The following DTHD1 variants were observed in gnomAD, a reference collection of about 807,000 sequenced individuals.
DTHD1 encodes death domain containing 1.
A neutral mutation model predicts 74.8 loss-of-function variants in DTHD1; 59 were observed. The ratio of observed to expected loss-of-function variants is 0.79; its 90% CI spans 0.64 to 0.98. DTHD1 has a LOEUF of 0.98. Among genes scored for constraint, DTHD1 ranks in the 50% least tolerant of loss-of-function variants. The pLI is 0.00. For missense variants in DTHD1, 1,051 were observed against 1,065.4 expected (o/e 0.99, Z 0.19); for synonymous variants, 365 against 371.1 (o/e 0.98, Z 0.19).
At chr4:36,305,449 T>C (rs1045426669) in intron 5 of DTHD1, among the ~76,000 whole-genome samples, 3 of 152,166 alleles carry the variant, frequency 2.0e-5, no homozygotes, top group African/African-American at 7.2e-5. Flanking sequence ...ATGAGACTTA[T>C]TCACTACCAT....
chr4:36,296,032 A>C (rs565959785), intron 5 of DTHD1, among the ~76,000 whole-genome samples: 4 of 152,306 alleles, frequency 2.6e-5, no homozygotes, highest in African/African-American at 9.6e-5. Context: ...ACTTAGACAT[A>C]ACATGGCAAA....
chr4:36,289,366 T>A (rs1386340178), intron 2 of DTHD1, among the ~76,000 whole-genome samples: 1 of 152,188 alleles, frequency 6.6e-6, no homozygotes, highest in Non-Finnish European at 1.5e-5. Context: ...AGATATTAGT[T>A]TCAATTTGTA....
rs1215344868 is a variant in DTHD1 at position 36,308,222 on chromosome 4, C to G, written c.1824C>G (p.Leu608=). The G allele has an allele frequency of 1.0e-5, 16 of 1,552,192 alleles. No individual in the cohort carries two copies. Among genetic ancestry groups the G allele is most frequent in the Non-Finnish European group, 1.4e-5 (16 of 1,147,106 alleles). ...CATGCAGGTTTATTGTACTTCACCT[C>G]TCTTCCACCATGGACAATAGTCATT... is the stretch of plus-strand genomic sequence containing the variant. ...EHLERFIVLH[L]SSTMDNSHLV... Residue 608 remains leucine, a synonymous_variant, in exon 7 of 10, where the codon CTC becomes CTG. Transcript: ENST00000639862.
At chr4:36,302,487 G>A (rs542766328) in intron 5 of DTHD1, among the ~76,000 whole-genome samples, 59 of 152,208 alleles carry the variant, frequency 3.9e-4, no homozygotes, top group African/African-American at 1.2e-3. Flanking sequence ...TGATTACACC[G>A]ATTACAAATG....
chr4:36,320,305 G>C (rs964995099), intron 8 of DTHD1, among the ~76,000 whole-genome samples: 4 of 152,136 alleles, frequency 2.6e-5, no homozygotes, highest in African/African-American at 9.7e-5. Context: ...GCAACGAACT[G>C]CGCAGGCACA....
chr4:36,298,483 G>A (rs546155954), intron 5 of DTHD1, among the ~76,000 whole-genome samples: 1 of 152,146 alleles, frequency 6.6e-6, no homozygotes, highest in Admixed American at 6.5e-5. Context: ...ATCTAGTGGA[G>A]CATAAAACAA....
intron 2 of DTHD1, among the ~76,000 whole-genome samples, chr4:36,288,137 C>T (rs1053330943): frequency 4.6e-5 from 7 of 152,046 alleles, no homozygotes; most frequent in African/African-American, 7.2e-5. Flanking sequence ...CTTGCTCTTT[C>T]GCCCAGGCTG....
intron 5 of DTHD1, among the ~76,000 whole-genome samples, chr4:36,304,327 T>C (rs947809193): frequency 1.3e-5 from 2 of 152,238 alleles, no homozygotes; most frequent in African/African-American, 4.8e-5. Flanking sequence ...GAATTTACCA[T>C]ATCTGTGGTT....
intron 4 of DTHD1, 56 bp from the exon 5 acceptor site, chr4:36,294,739 C>A (rs1253152876): frequency 1.4e-6 from 2 of 1,449,068 alleles, no homozygotes; most frequent in South Asian, 1.5e-5. Flanking sequence ...TAGAAATGTA[C>A]CAATAGTTTG....
chr4:36,338,439 T>C (rs1377798113), intron 8 of DTHD1, among the ~76,000 whole-genome samples: 2 of 152,088 alleles, frequency 1.3e-5, no homozygotes, highest in Non-Finnish European at 1.5e-5. Context: ...GGCTTTGTGA[T>C]GTAGGCATCC....
At chr4:36,333,203 T>C (rs1302996267) in intron 8 of DTHD1, among the ~76,000 whole-genome samples, 1 of 152,052 alleles carries the variant, frequency 6.6e-6, no homozygotes, top group Admixed American at 6.6e-5. Context: ...TTATATAGCA[T>C]AATTATATAT....
Position 36,290,494 on chromosome 4 carries a change from G to T in DTHD1, c.1009G>T (p.Gly337Cys). The change falls in exon 3 of 10, where the codon GGT (glycine) becomes TGT (cysteine). Residue 337 changes from glycine (G) to cysteine (C), a missense_variant. Coordinates refer to ENST00000639862, the MANE Select transcript of DTHD1 (RefSeq NM_001170700.3). ...IINHMSSLIV[G>C]DNEELVSNVI... ...AAATCACATGAGTTCTTTAATAGTG[G>T]GTGATAATGAAGAGTTAGTTAGCAA... 2 of 1,551,580 alleles carry T rather than the reference G, an allele frequency of 1.3e-6. No individual in the cohort carries two copies. Among genetic ancestry groups the T allele is most frequent in the Non-Finnish European group, 1.7e-6 (2 of 1,146,960 alleles).
intron 7 of DTHD1, chr4:36,311,566 A>G (rs1757412440): frequency 6.7e-6 from 1 of 149,966 alleles, no homozygotes; most frequent in South Asian, 2.1e-4. Flanking sequence ...ATTATGTCAG[A>G]CCTTATTTTA....
intron 8 of DTHD1, among the ~76,000 whole-genome samples, chr4:36,327,112 G>T (rs1758396646): frequency 6.6e-6 from 1 of 151,952 alleles, no homozygotes; most frequent in South Asian, 2.1e-4. Context: ...GATTACAGGT[G>T]CCTGCCACCT....
chr4:36,331,731 G>T (rs1758684826), intron 8 of DTHD1, among the ~76,000 whole-genome samples: 1 of 152,122 alleles, frequency 6.6e-6, no homozygotes, highest in African/African-American at 2.4e-5. Flanking sequence ...AAAACAGCGT[G>T]TCATTTTCTG....
intron 7 of DTHD1, chr4:36,315,548 C>A (rs1377929979): frequency 1.3e-5 from 2 of 152,110 alleles, no homozygotes; most frequent in African/African-American, 2.4e-5. Flanking sequence ...ACTTAAATTG[C>A]CACATGTTAT....
chr4:36,283,882 ATTATC>A, intron 1 of DTHD1, 89 bp from the exon 2 acceptor site: 1 of 926,992 alleles, frequency 1.1e-6, no homozygotes, highest in African/African-American at 1.7e-5. Flanking sequence ...GGTTTCTAAA[ATTATC>A]TTGCCATGTT....
At chr4:36,339,214 C>G (rs1351487513) in intron 9 of DTHD1, 45 bp downstream of exon 9, 1 of 1,343,638 alleles carries the variant, frequency 7.4e-7, no homozygotes, top group Admixed American at 2.1e-5. Flanking sequence ...TTCCCCACCC[C>G]CTTATATGTT....
At chr4:36,306,409 G>T in intron 6 of DTHD1, 57 bp downstream of exon 6, 1 of 1,432,536 alleles carries the variant, frequency 7.0e-7, no homozygotes, top group Non-Finnish European at 9.3e-7. Context: ...GTCATAACTG[G>T]TGTTTATAGA....
Sources: gnomAD v4.1 joint callset for allele counts (sites outside exome capture counted in the v4.1 genomes callset) on GRCh38, gnomAD v4.1.1 for gene constraint, MANE v1.5 for transcripts, NCBI Gene and HGNC (gene_info 2026-07-23, HGNC 2026-07-21) for gene names.